Variants in KEAP1 observed in about 807,000 individuals in gnomAD.
KEAP1 encodes the protein kelch-like ECH-associated protein 1.
Under a neutral mutation model 59.7 loss-of-function variants are expected in KEAP1, and 26 were observed. The ratio of observed to expected loss-of-function variants is 0.44; its 90% CI spans 0.32 to 0.60. The LOEUF is 0.60. Ranked by LOEUF, KEAP1 falls within the 20% of genes least tolerant of loss-of-function variation. KEAP1 has a pLI of 0.06. For synonymous variants in KEAP1, 350 were observed against 358.3 expected, an observed-to-expected ratio of 0.98 and a Z score of 0.26; for missense variants, 539 against 871.4, an observed-to-expected ratio of 0.62 and a Z score of 4.80.
At chr19:10,496,673 C>T (rs1218270548) in intron 2 of KEAP1, among the ~76,000 whole-genome samples, 1 of 149,544 alleles carries the variant, frequency 6.7e-6, no homozygotes, top group Non-Finnish European at 1.5e-5. Context: ...TGGTGGTGCA[C>T]CCCTGTAATC....
rs1914690627 is a variant in KEAP1 at position 10,491,965 on chromosome 19, G to A, written c.937C>T (p.Pro313Ser). 1 of 1,614,064 alleles carries A rather than the reference G, an allele frequency of 6.2e-7. No homozygotes were observed. Among genetic ancestry groups the A allele is most frequent in the African/African-American group, 1.3e-5 (1 of 75,074 alleles). ...GCCCGGCAGGGCATCACCTGCGTGG[G>A]CTTGTGCAGGGTGAGCTCCTCGAAG... ...KIFEELTLHK[P>S]TQVMPCRAPK... The change falls in exon 3 of 6, where the codon CCC becomes TCC. Residue 313 changes from proline (P) to serine (S), a missense_variant. Pro to Ser is a moderately conservative substitution (Grantham distance 74). Around this residue, in one of 4 missense-constraint regions of KEAP1, gnomAD observed 61 missense variants for 129.9 expected, o/e 0.47. Transcript: ENST00000171111. The surrounding 1 kb of genome is among the most constrained non-coding windows in gnomAD (Gnocchi z 5.2).
intron 3 of KEAP1, chr19:10,490,192 CAGCG>C (rs1387556641): frequency 3.7e-6 from 1 of 270,280 alleles, no homozygotes; most frequent in African/African-American, 2.2e-5. Flanking sequence ...GCGGAGGTTG[CAGCG>C]AGCTGAGATC....
At chr19:10,489,548 G>A (rs867383695) in intron 4 of KEAP1, 100 bp downstream of exon 4, 2 of 1,387,032 alleles carry the variant, frequency 1.4e-6, no homozygotes, top group Non-Finnish European at 2.0e-6. Flanking sequence ...ACCCCAGCAT[G>A]AGGGTTGCAA....
intron 1 of KEAP1, among the ~76,000 whole-genome samples, chr19:10,500,674 T>G (rs1915010448): frequency 6.7e-6 from 1 of 150,146 alleles, no homozygotes; most frequent in South Asian, 2.1e-4. Flanking sequence ...CGGGTGCAGT[T>G]TGTTTGCTTT....
intron 5 of KEAP1, 95 bp downstream of exon 5, chr19:10,489,094 TAAA>T (rs33966407): frequency 0.11 from 44,219 of 415,768 alleles, 115 homozygotes; most frequent in Middle Eastern, 0.14. Context: ...ACCTTGTTTC[TAAA>T]AAAAAAAAAA....
chr19:10,499,227 C>A lies in KEAP1; in HGVS notation c.639+168G>T, dbSNP rs1914954543. Among the ~76,000 whole-genome samples the A allele has an allele frequency of 6.6e-6, 1 of 152,056 alleles. No homozygotes were observed. Among genetic ancestry groups the A allele is most frequent in the Admixed American group, 6.6e-5 (1 of 15,246 alleles). On this transcript the variant is annotated intron_variant, in intron 2 of 5. Transcript: ENST00000171111. The surrounding 1 kb of genome is among the most constrained non-coding windows in gnomAD (Gnocchi z 6.7). ...CTTGAACTCTTGGCCTGAAGCAATC[C>A]CCCCGCCTCAGCCCCTCAAACTGTG...
chr19:10,494,715 G>T (rs540261920), intron 2 of KEAP1, among the ~76,000 whole-genome samples: 6 of 148,164 alleles, frequency 4.0e-5, no homozygotes, highest in Non-Finnish European at 8.9e-5. Context: ...GAGTGCAGTG[G>T]CACGATCTTG....
rs1915094110 is a variant in KEAP1, at chr19:10,502,898, C to A, written c.-48+343G>T. 6.6e-6 allele frequency: 1 copy of A among 152,162 alleles called. No homozygotes were observed. The highest frequency in any genetic ancestry group is 1.5e-5 in the Non-Finnish European group (1 of 68,028). 9.4% of individuals were successfully genotyped at this position (152,162 alleles called of 1,614,324 possible). ...GGGCCGCTCCCCACCCCCGCCCACG[C>A]CTGCTGTCGCCCAGCTGCGCGGCCA... On this transcript the variant is annotated intron_variant, in intron 1 of 5. Transcript: ENST00000171111. This position sits in a 1 kb window ranked among gnomAD's most constrained non-coding sequence, Gnocchi z 4.0.
At chr19:10,489,128 A>C in intron 5 of KEAP1, 64 bp downstream of exon 5, 1 of 1,286,736 alleles carries the variant, frequency 7.8e-7, no homozygotes, top group South Asian at 1.5e-5. Context: ...AAAGGAAAGC[A>C]AAAGCAAAAG....
At chr19:10,496,527 C>T (rs1177058755) in intron 2 of KEAP1, among the ~76,000 whole-genome samples, 2 of 145,428 alleles carry the variant, frequency 1.4e-5, no homozygotes, top group African/African-American at 2.6e-5. Flanking sequence ...GGGGGCTTGG[C>T]GTGGTGGCTC....
Position 10,501,282 on chromosome 19 carries a change from G to A in KEAP1, c.-47-1202C>T, listed in dbSNP as rs549855814. On this transcript the variant is annotated intron_variant, in intron 1 of 5. Transcript: ENST00000171111. ...AGACAGAGTCTCGCTCTGTTGCCCA[G>A]GCTGGAGTACAGTGGTGCGATCTTG... is the stretch of plus-strand genomic sequence containing the variant. 3.3e-5 allele frequency among the ~76,000 whole-genome samples: 5 copies of A among 152,124 alleles called. No individual in the cohort carries two copies. In the South Asian group the frequency reaches 8.3e-4, roughly 25 times the overall value.
rs1181949912 is a variant in KEAP1 at position 10,487,820 on chromosome 19, A to AC, written c.1709-1003dup. ...AGACCAGCCTGGCTAACATTGTGAA[A>AC]CCCCGTCTCTACTAAAAATCAAAAT... On this transcript the variant is annotated intron_variant, in intron 5 of 5. Coordinates refer to ENST00000171111, the MANE Select transcript of KEAP1 (RefSeq NM_203500.2). Among the ~76,000 whole-genome samples the AC allele has an allele frequency of 2.0e-5, 3 of 151,720 alleles. No homozygotes were observed. The East Asian group carries it at 5.8e-4, about 29-fold the overall frequency.
At position 10,499,851 on chromosome 19, in the gene KEAP1, C is replaced by G; in HGVS notation, c.183G>C (p.Lys61Asn). 1.2e-6 allele frequency: 2 copies of G among 1,613,822 alleles called. No individual in the cohort carries two copies. The highest frequency in any genetic ancestry group is 1.1e-5 in the South Asian group (1 of 91,086). Residue 61 changes from lysine to asparagine, a missense_variant, in exon 2 of 6, where the codon AAG becomes AAC. By Grantham distance (94) the Lys-to-Asn change is moderately conservative. This residue lies in a region of KEAP1 where 166 missense variants were observed against 295.8 expected (regional missense o/e 0.56). Coordinates refer to ENST00000171111, the MANE Select transcript of KEAP1 (RefSeq NM_203500.2). This position sits in a 1 kb window ranked among gnomAD's most constrained non-coding sequence, Gnocchi z 6.7. Reference protein sequence around the residue: ...TFSYTLEDHTKQAFGIMNELR... With the variant: ...TFSYTLEDHTNQAFGIMNELR... Reference sequence around the variant, plus strand: ...GCTCGTTCATGATGCCAAAGGCCTGCTTGGTATGATCCTCCAGGGTGTAGC... The same window carrying G: ...GCTCGTTCATGATGCCAAAGGCCTGGTTGGTATGATCCTCCAGGGTGTAGC...
chr19:10,489,556 C>A, intron 4 of KEAP1, 92 bp downstream of exon 4: 1 of 1,444,108 alleles, frequency 6.9e-7, no homozygotes, highest in Non-Finnish European at 9.6e-7. Flanking sequence ...ATGAGGGTTG[C>A]AACAGGGGGT....
chr19:10,494,008 CAT>C (rs1018184475), intron 2 of KEAP1, among the ~76,000 whole-genome samples: 34 of 152,094 alleles, frequency 2.2e-4, no homozygotes, highest in South Asian at 1.2e-3. Context: ...GTGGCACAAT[CAT>C]AGCTCACTGT....
At chr19:10,498,360 C>T (rs1441085415) in intron 2 of KEAP1, among the ~76,000 whole-genome samples, 1 of 151,808 alleles carries the variant, frequency 6.6e-6, no homozygotes, top group African/African-American at 2.4e-5. Flanking sequence ...CCACTACACC[C>T]GGCTAGTTTT....
At chr19:10,498,522 C>A (rs1914933140) in intron 2 of KEAP1, among the ~76,000 whole-genome samples, 1 of 152,000 alleles carries the variant, frequency 6.6e-6, no homozygotes, top group Admixed American at 6.6e-5. Context: ...TTGTCAATTT[C>A]TATAGATAAT....
intron 2 of KEAP1, among the ~76,000 whole-genome samples, chr19:10,495,484 G>T (rs902674474): frequency 4.6e-5 from 7 of 152,102 alleles, no homozygotes; most frequent in Non-Finnish European, 8.8e-5. Context: ...GATCACCTGA[G>T]GTCAGAAGTC....
At chr19:10,500,421 C>T (rs1368777491) in intron 1 of KEAP1, among the ~76,000 whole-genome samples, 3 of 152,114 alleles carry the variant, frequency 2.0e-5, no homozygotes, top group African/African-American at 4.8e-5. Context: ...AGCAATCTGG[C>T]GGCCTTTCCC....
Sources: allele counts gnomAD v4.1 joint callset (sites outside exome capture counted in the v4.1 genomes callset), GRCh38; gene constraint gnomAD v4.1.1; regional missense constraint gnomAD v4.1.1; non-coding constraint Gnocchi (gnomAD v3.1); transcripts MANE v1.5; gene names NCBI Gene and HGNC (gene_info 2026-07-23, HGNC 2026-07-21).